MITF: variants seen among roughly 807,000 people sequenced by gnomAD.
MITF encodes the protein microphthalmia-associated transcription factor.
MITF carries 17 observed loss-of-function variants against 60.5 expected under a neutral mutation model. The observed-to-expected ratio is 0.28, with a 90% CI of 0.19 to 0.42. The LOEUF is 0.42. Among genes scored for constraint, MITF ranks in the 10% least tolerant of loss-of-function variants. MITF has a pLI of 1.00. For synonymous variants in MITF, 260 were observed against 248.5 expected, an observed-to-expected ratio of 1.05 and a Z score of -0.43; for missense variants, 622 against 683.5, an observed-to-expected ratio of 0.91 and a Z score of 1.00.
In MITF at chr3:69,907,641, T is replaced by C. The variant is rs189538809; in HGVS notation, c.354+28258T>C. Among the ~76,000 whole-genome samples the C allele has an allele frequency of 2.0e-3, 311 of 152,310 alleles. 1 individual carries two copies. The highest frequency in any genetic ancestry group is 7.2e-3 in the African/African-American group (300 of 41,586). On this transcript the variant is annotated intron_variant, in intron 2 of 9. Coordinates refer to ENST00000352241, the MANE Select transcript of MITF (RefSeq NM_001354604.2). The stretch of plus-strand genomic sequence containing the variant: ...CACCCTTGATTTCAGGCAGGAGGCC[T>C]GACCTGTCTATCCCTGGTAATTTTG...
intron 3 of MITF, chr3:69,938,373 A>G: frequency 6.4e-7 from 1 of 1,567,904 alleles, no homozygotes; most frequent in East Asian, 2.3e-5. Context: ...GTGAGAATGC[A>G]GAGAGAGGAG....
rs551268232 is a variant in MITF at position 69,761,481 on chromosome 3, A to G, written c.104+21780A>G. 7.9e-5 allele frequency among the ~76,000 whole-genome samples: 12 copies of G among 152,308 alleles called. 1 individual carries two copies. Among genetic ancestry groups the G allele is most frequent in the African/African-American group, 2.9e-4 (12 of 41,574 alleles). ...TCACTCTCTTATTCACCATGCTGGC[A>G]GTGGTTTCCATGTATTTTGGTGTTC... On this transcript the variant is annotated intron_variant, in intron 1 of 9. Transcript: ENST00000352241.
In MITF at chr3:69,947,148, G is replaced by A. The variant is rs994501147; in HGVS notation, c.763-1903G>A. ...ACACAGTGAGTTTTGCATACAATTT[G>A]CCTATGAAAACCATATGTGTGATTT... On this transcript the variant is annotated intron_variant, in intron 5 of 9. Transcript: ENST00000352241. Among the ~76,000 whole-genome samples the A allele has an allele frequency of 5.3e-5, 8 of 152,132 alleles. No individual in the cohort carries two copies. The East Asian group carries it at 1.5e-3, about 29-fold the overall frequency.
At chr3:69,844,446 C>G (rs1285230816) in intron 1 of MITF, among the ~76,000 whole-genome samples, 1 of 152,146 alleles carries the variant, frequency 6.6e-6, no homozygotes, top group African/African-American at 2.4e-5. Context: ...GGACCCCTTC[C>G]TTATACCTTA....
intron 1 of MITF, among the ~76,000 whole-genome samples, chr3:69,766,796 T>A (rs572225929): frequency 6.6e-6 from 1 of 152,158 alleles, no homozygotes; most frequent in Non-Finnish European, 1.5e-5. Flanking sequence ...CTTCACTCTT[T>A]CCTGTGAACC....
chr3:69,859,393 A>T (rs1467841811), intron 1 of MITF, among the ~76,000 whole-genome samples: 1 of 152,176 alleles, frequency 6.6e-6, no homozygotes, highest in Non-Finnish European at 1.5e-5. Context: ...ATTTATATGA[A>T]TAGACTATAA....
intron 1 of MITF, among the ~76,000 whole-genome samples, chr3:69,794,114 A>G (rs999102625): frequency 2.6e-5 from 4 of 152,176 alleles, no homozygotes; most frequent in Non-Finnish European, 5.9e-5. Context: ...TCTTTTCTAC[A>G]GAGTCTCCCC....
At chr3:69,957,996 A>G (rs979309666) in intron 8 of MITF, among the ~76,000 whole-genome samples, 21 of 152,172 alleles carry the variant, frequency 1.4e-4, no homozygotes, top group African/African-American at 5.1e-4. Context: ...TGTTGATTTT[A>G]TATAATGGAG....
At chr3:69,806,912 A>G (rs2063018708) in intron 1 of MITF, among the ~76,000 whole-genome samples, 1 of 152,234 alleles carries the variant, frequency 6.6e-6, no homozygotes, top group East Asian at 1.9e-4. Context: ...GGAAAAAAAT[A>G]CAAGCCAGTA....
At chr3:69,950,499 CAT>C (rs1481713964) in intron 6 of MITF, among the ~76,000 whole-genome samples, 1 of 145,050 alleles carries the variant, frequency 6.9e-6, no homozygotes, top group Non-Finnish European at 1.5e-5. Flanking sequence ...CACACACACA[CAT>C]AGATATGCAT....
intron 1 of MITF, among the ~76,000 whole-genome samples, chr3:69,837,882 G>A (rs921435532): frequency 6.6e-6 from 1 of 152,144 alleles, no homozygotes; most frequent in Non-Finnish European, 1.5e-5. Context: ...AAACTCTGAT[G>A]TTCAAGACTC....
In MITF at chr3:69,853,455, A is replaced by G. The variant is rs1337452605; in HGVS notation, c.105-25679A>G. On this transcript the variant is annotated intron_variant, in intron 1 of 9. Transcript: ENST00000352241. ...TTTTTCATTACTAACAATATTCAAT[A>G]TTATTATTATTAAATATATCATACA... Among the ~76,000 whole-genome samples the G allele has an allele frequency of 3.3e-5, 5 of 152,172 alleles. No homozygotes were observed. In the East Asian group the frequency reaches 5.8e-4, roughly 18 times the overall value.
intron 4 of MITF, among the ~76,000 whole-genome samples, chr3:69,940,243 C>T (rs2065938584): frequency 2.6e-5 from 4 of 152,118 alleles, no homozygotes; most frequent in Admixed American, 2.6e-4. Context: ...CAACCCAAAC[C>T]TATGAATTTT....
At chr3:69,961,832 G>C (rs1490236287) in intron 9 of MITF, among the ~76,000 whole-genome samples, 1 of 152,210 alleles carries the variant, frequency 6.6e-6, no homozygotes, top group Non-Finnish European at 1.5e-5. Context: ...TTTTATTTTA[G>C]GGTTCCAAAC....
chr3:69,903,229 A>G (rs2065030703), intron 2 of MITF, among the ~76,000 whole-genome samples: 1 of 152,248 alleles, frequency 6.6e-6, no homozygotes, highest in Non-Finnish European at 1.5e-5. Context: ...GGTTTTAAAC[A>G]TAAGAATAGC....
intron 1 of MITF, chr3:69,764,042 T>C (rs1419888726): frequency 2.0e-6 from 2 of 991,126 alleles, no homozygotes; most frequent in African/African-American, 1.7e-5. Context: ...TCTTTGGTTC[T>C]TGTTCATAAA....
rs765868821 is a variant in MITF, at chr3:69,939,197, G to A, written c.666+16G>A. The A allele has an allele frequency of 1.9e-6, 3 of 1,608,922 alleles. No individual in the cohort carries two copies. The South Asian group carries it at 3.3e-5, about 18-fold the overall frequency. Reference sequence around the variant, plus strand: ...CTGTATGCAGGTACTGAATGACTTGGCAGCCTGAGGATGAACACTTTGTAA... The same window carrying A: ...CTGTATGCAGGTACTGAATGACTTGACAGCCTGAGGATGAACACTTTGTAA... On this transcript the variant is annotated intron_variant, in intron 4 of 9. Coordinates refer to ENST00000352241, the MANE Select transcript of MITF (RefSeq NM_001354604.2).
At chr3:69,963,675 C>T (rs1249877562) in intron 9 of MITF, among the ~76,000 whole-genome samples, 1 of 152,158 alleles carries the variant, frequency 6.6e-6, no homozygotes, top group Non-Finnish European at 1.5e-5. Flanking sequence ...GTTTCCCAGG[C>T]CACAATGATG....
rs1440808213 is a variant in MITF at position 69,936,399 on chromosome 3, C to T, written c.355-1423C>T. On this transcript the variant is annotated intron_variant, in intron 2 of 9. Coordinates refer to ENST00000352241, the MANE Select transcript of MITF (RefSeq NM_001354604.2). ...GACAGTGAGTTTGACTTTGATAGCTCGTCACTTAAAAAGGTTCTTTTATAT... is the reference window on the plus strand; with the variant it reads ...GACAGTGAGTTTGACTTTGATAGCTTGTCACTTAAAAAGGTTCTTTTATAT... Among the ~76,000 whole-genome samples the T allele has an allele frequency of 1.6e-4, 24 of 151,898 alleles. 1 individual carries two copies. Among genetic ancestry groups the T allele is most frequent in the Admixed American group, 1.4e-3 (22 of 15,232 alleles).
Sources: allele counts gnomAD v4.1 joint callset (sites outside exome capture counted in the v4.1 genomes callset), GRCh38; gene constraint gnomAD v4.1.1; transcripts MANE v1.5; gene names NCBI Gene and HGNC (gene_info 2026-07-23, HGNC 2026-07-21).